The following MPP4 variants were observed in gnomAD, a reference collection of about 807,000 sequenced individuals.
MPP4 encodes the protein MAGUK p55 scaffold protein 4.
MPP4 carries 91 observed loss-of-function variants against 98.3 expected under a neutral mutation model. That is an observed-to-expected ratio of 0.93 (90% CI 0.78 to 1.10). MPP4 has a LOEUF of 1.10. Among genes scored for constraint, MPP4 ranks in the 50% least tolerant of loss-of-function variants. The probability of loss-of-function intolerance (pLI) is 0.00; values close to 1 mark genes in which losing one functional copy is unlikely to be tolerated. For missense variants in MPP4, 744 were observed against 792.9 expected (o/e 0.94, Z 0.74); for synonymous variants, 261 against 271.8 (o/e 0.96, Z 0.39).
At chr2:201,649,891 A>T (rs1290452956) in intron 19 of MPP4, among the ~76,000 whole-genome samples, 181 bp downstream of exon 19, 1 of 152,254 alleles carries the variant, frequency 6.6e-6, no homozygotes, top group Non-Finnish European at 1.5e-5. Flanking sequence ...TGCAGACTCC[A>T]TTCTGCTCCC....
intron 4 of MPP4, among the ~76,000 whole-genome samples, chr2:201,689,294 T>A (rs1317734900): frequency 6.6e-6 from 1 of 152,104 alleles, no homozygotes; most frequent in Non-Finnish European, 1.5e-5. Context: ...CACTGCACTG[T>A]AGTCTGGGTG....
intron 3 of MPP4, among the ~76,000 whole-genome samples, chr2:201,692,145 C>G (rs1689047976): frequency 6.6e-6 from 1 of 152,132 alleles, no homozygotes; most frequent in Non-Finnish European, 1.5e-5. Context: ...CTTCTAAGAA[C>G]TTTTTCCAAG....
chr2:201,676,942 C>T (rs772558385), intron 10 of MPP4, among the ~76,000 whole-genome samples: 5 of 152,212 alleles, frequency 3.3e-5, no homozygotes, highest in Non-Finnish European at 5.9e-5. Flanking sequence ...TCCCTTCCTT[C>T]TGCTCAGTTT....
chr2:201,693,155 A>C (rs984192044), intron 2 of MPP4, 126 bp from the exon 3 acceptor site: 2 of 1,082,648 alleles, frequency 1.8e-6, no homozygotes, highest in Non-Finnish European at 2.6e-6. Context: ...CTCAGGCCAA[A>C]AGATCTGACT....
chr2:201,671,473 A>G (rs941013086), intron 11 of MPP4, among the ~76,000 whole-genome samples: 1 of 152,224 alleles, frequency 6.6e-6, no homozygotes, highest in African/African-American at 2.4e-5. Flanking sequence ...ATAAAGAGTC[A>G]GGACCCATCG....
At chr2:201,654,343 T>C (rs1687797151) in intron 18 of MPP4, among the ~76,000 whole-genome samples, 1 of 152,248 alleles carries the variant, frequency 6.6e-6, no homozygotes, top group African/African-American at 2.4e-5. Context: ...TAAAGTTGTA[T>C]AGGCATATAT....
chr2:201,698,283 G>T (rs1689249924), intron 1 of MPP4, among the ~76,000 whole-genome samples: 1 of 152,094 alleles, frequency 6.6e-6, no homozygotes, highest in South Asian at 2.1e-4. Context: ...ATGAGAAATG[G>T]CCCTTACAAA....
rs1411355306 is a variant in MPP4, at chr2:201,680,928, TC to T, written c.838del (p.Asp280ThrfsTer29). ...FQKGDILQIV[D>X]QNDALWWQAR... ...CTGCCACCAGAGGGCATCATTCTGGTCCACAATCTGGAGGATGTCCCCCTTC... is the reference window on the plus strand; with the variant it reads ...CTGCCACCAGAGGGCATCATTCTGGTCACAATCTGGAGGATGTCCCCCTTC... On this transcript the variant is annotated frameshift_variant, in exon 10 of 22. Transcript: ENST00000409474. LOFTEE classifies it high-confidence loss of function. 1.9e-6 allele frequency: 3 copies of T among 1,613,826 alleles called. No homozygotes were observed. The highest frequency in any genetic ancestry group is 2.5e-6 in the Non-Finnish European group (3 of 1,179,858).
At chr2:201,662,697 A>G (rs1398346852) in intron 14 of MPP4, among the ~76,000 whole-genome samples, 1 of 152,072 alleles carries the variant, frequency 6.6e-6, no homozygotes, top group Non-Finnish European at 1.5e-5. Flanking sequence ...GGTGGACACT[A>G]GAATAAAAAG....
chr2:201,693,373 C>T (rs146355541), intron 2 of MPP4, among the ~76,000 whole-genome samples: 1 of 152,218 alleles, frequency 6.6e-6, no homozygotes. Context: ...ACCAGCCTGT[C>T]GTTTATCCCA....
intron 16 of MPP4, among the ~76,000 whole-genome samples, chr2:201,658,041 C>T (rs1166994949): frequency 4.0e-5 from 6 of 151,062 alleles, no homozygotes; most frequent in East Asian, 2.0e-4. Flanking sequence ...CTAGACCCTG[C>T]GGCTCTGCTA....
intron 18 of MPP4, 49 bp downstream of exon 18, chr2:201,654,788 G>A (rs1394210418): frequency 7.2e-7 from 1 of 1,388,472 alleles, no homozygotes; most frequent in Non-Finnish European, 1.0e-6. Context: ...GATCAGCAAA[G>A]AAAGTTTTAC....
chr2:201,673,859 G>A (rs146455568), intron 11 of MPP4, among the ~76,000 whole-genome samples: 1 of 152,318 alleles, frequency 6.6e-6, no homozygotes, highest in African/African-American at 2.4e-5. Flanking sequence ...TGTCCTTCCA[G>A]TCTCCTCTCT....
At chr2:201,695,723 G>T (rs993068466) in intron 1 of MPP4, among the ~76,000 whole-genome samples, 1 of 152,148 alleles carries the variant, frequency 6.6e-6, no homozygotes, top group Non-Finnish European at 1.5e-5. Context: ...AGAGCCAACA[G>T]GTTAAGAGCT....
At chr2:201,647,932 T>C (rs1485524725) in intron 20 of MPP4, 107 bp from the exon 21 acceptor site, 1 of 1,122,940 alleles carries the variant, frequency 8.9e-7, no homozygotes, top group African/African-American at 1.5e-5. Context: ...CACAGTTCAC[T>C]GTAGCCTCAG....
chr2:201,676,583 A>T (rs1358505777), intron 10 of MPP4, among the ~76,000 whole-genome samples: 1 of 152,082 alleles, frequency 6.6e-6, no homozygotes, highest in African/African-American at 2.4e-5. Flanking sequence ...GATAACATAT[A>T]CACAGAGTAA....
chr2:201,697,829 G>A, intron 1 of MPP4: 1 of 592,052 alleles, frequency 1.7e-6, no homozygotes, highest in Non-Finnish European at 2.1e-6. Flanking sequence ...ATTCAAGGAG[G>A]TATTCAGTAG....
At chr2:201,661,497 G>T (rs559782077) in intron 14 of MPP4, 1 of 456,416 alleles carries the variant, frequency 2.2e-6, no homozygotes, top group Non-Finnish European at 4.4e-6. Context: ...ATGCTTGAGA[G>T]TTCTCACTTT....
chr2:201,657,590 G>GTTGTTT (rs1687884500), intron 16 of MPP4, among the ~76,000 whole-genome samples: 1 of 91,124 alleles, frequency 1.1e-5, no homozygotes, highest in Non-Finnish European at 2.2e-5. Flanking sequence ...CCTGGCCCTT[G>GTTGTTT]TTTTTTTTTT....
Sources: allele counts gnomAD v4.1 joint callset (sites outside exome capture counted in the v4.1 genomes callset), GRCh38; gene constraint gnomAD v4.1.1; transcripts MANE v1.5; gene names NCBI Gene and HGNC (gene_info 2026-07-23, HGNC 2026-07-21).